KAT6A: variants seen among roughly 807,000 people sequenced by gnomAD.
KAT6A encodes histone acetyltransferase KAT6A.
In KAT6A, 9 loss-of-function variants were observed where a neutral mutation model predicts 198.4. That is an observed-to-expected ratio of 0.05 (90% CI 0.03 to 0.08). KAT6A has a LOEUF of 0.08. Among genes scored for constraint, KAT6A ranks in the 10% least tolerant of loss-of-function variants. KAT6A has a pLI of 1.00. For synonymous variants in KAT6A, 890 were observed against 883.0 expected (o/e 1.01, Z -0.14); for missense variants, 2,077 against 2,509.9 (o/e 0.83, Z 3.69).
chr8:42,036,044 AG>A (rs956760010), intron 2 of KAT6A, among the ~76,000 whole-genome samples: 1 of 152,120 alleles, frequency 6.6e-6, no homozygotes, highest in African/African-American at 2.4e-5. Context: ...AAGGTAGCAA[AG>A]CGGGCAGAAA....
At chr8:42,036,547 A>T (rs773138311) in intron 2 of KAT6A, among the ~76,000 whole-genome samples, 2 of 152,212 alleles carry the variant, frequency 1.3e-5, no homozygotes, top group Non-Finnish European at 2.9e-5. Flanking sequence ...CAGGAGATGG[A>T]GGTTGCAGTG....
chr8:41,932,138 G>T lies in KAT6A; in HGVS notation c.*67C>A. On this transcript the variant is annotated 3_prime_UTR_variant, in exon 17 of 17. Transcript: ENST00000265713. ...ACTGGAAAAAGGTCCATTTTTCTCT[G>T]GTTTGTCAGTATAAAAGGTTCCTTT... 1 of 1,289,346 alleles carries T rather than the reference G, an allele frequency of 7.8e-7. No homozygotes were observed. Among genetic ancestry groups the T allele is most frequent in the Non-Finnish European group, 1.0e-6 (1 of 1,000,120 alleles). 79.9% of individuals were successfully genotyped at this position (1,289,346 alleles called of 1,614,324 possible).
At chr8:42,045,200 G>A (rs1287074346) in intron 2 of KAT6A, among the ~76,000 whole-genome samples, 2 of 152,136 alleles carry the variant, frequency 1.3e-5, no homozygotes, top group South Asian at 4.1e-4. Context: ...TTTCCAATGA[G>A]ATTAGTACAT....
chr8:42,033,045 A>C (rs1028741626), intron 2 of KAT6A, among the ~76,000 whole-genome samples: 7 of 151,530 alleles, frequency 4.6e-5, no homozygotes, highest in Non-Finnish European at 1.5e-5. Context: ...CACTCGGCTA[A>C]TTTTTGTATT....
intron 2 of KAT6A, among the ~76,000 whole-genome samples, chr8:42,006,812 G>A (rs1366214296): frequency 6.6e-6 from 1 of 151,820 alleles, no homozygotes; most frequent in Non-Finnish European, 1.5e-5. Context: ...ACTGGCCAAC[G>A]TGGTGAAACC....
intron 3 of KAT6A, among the ~76,000 whole-genome samples, chr8:41,984,576 G>C (rs1257741025): frequency 1.3e-5 from 2 of 152,152 alleles, no homozygotes; most frequent in African/African-American, 4.8e-5. Context: ...TACAGAAACA[G>C]TATGAAGTAA....
rs1047189262 is a variant in KAT6A, at chr8:42,049,161, C to T, written c.-184G>A. ...GCCACCCCAATTGTACTATAGAAACCAAAACAACCTGTTGATTGAAATGTC... is the reference window on the plus strand; with the variant it reads ...GCCACCCCAATTGTACTATAGAAACTAAAACAACCTGTTGATTGAAATGTC... On this transcript the variant is annotated 5_prime_UTR_variant, in exon 2 of 17. It introduces an in-frame stop codon into an upstream open reading frame of the 5' UTR. Transcript: ENST00000265713. 1.7e-6 allele frequency: 1 copy of T among 582,378 alleles called. No homozygotes were observed. The highest frequency in any genetic ancestry group is 3.0e-6 in the Non-Finnish European group (1 of 337,532). The allele number at this position is 582,378 out of a possible 1,614,324, so 36.1% of individuals were successfully genotyped here.
intron 2 of KAT6A, among the ~76,000 whole-genome samples, chr8:42,034,762 T>C (rs989764224): frequency 1.3e-5 from 2 of 152,332 alleles, no homozygotes; most frequent in African/African-American, 2.4e-5. Context: ...GCAGTACAGA[T>C]ATAGAACATT....
chr8:42,007,961 C>CAAAAAAAAAAAA (rs988491987), intron 2 of KAT6A, among the ~76,000 whole-genome samples: 4 of 42,896 alleles, frequency 9.3e-5, no homozygotes, highest in African/African-American at 3.6e-4. Context: ...GACTCCGTCT[C>CAAAAAAAAAAAA]AAAAAAAAAA....
At chr8:41,946,455 G>C in intron 12 of KAT6A, 136 bp downstream of exon 12, 1 of 507,020 alleles carries the variant, frequency 2.0e-6, no homozygotes. Context: ...GATACTAGCA[G>C]CCAACAAAGC....
At chr8:42,019,846 T>C (rs1445741885) in intron 2 of KAT6A, among the ~76,000 whole-genome samples, 1 of 152,196 alleles carries the variant, frequency 6.6e-6, no homozygotes, top group Non-Finnish European at 1.5e-5. Flanking sequence ...AAATGGGCAT[T>C]TGTGCAGCTC....
chr8:41,978,803 G>A, intron 5 of KAT6A, 26 bp from the exon 6 acceptor site: 2 of 1,606,914 alleles, frequency 1.2e-6, no homozygotes, highest in Non-Finnish European at 1.7e-6. Context: ...ATTCCACATA[G>A]AAGTGTGACA....
intron 12 of KAT6A, among the ~76,000 whole-genome samples, chr8:41,944,872 TA>T (rs1822299923): frequency 6.6e-6 from 1 of 152,196 alleles, no homozygotes; most frequent in African/African-American, 2.4e-5. Flanking sequence ...ACTGCTCATC[TA>T]AAAAGACCAG....
At chr8:41,999,209 T>C (rs1283672141) in intron 2 of KAT6A, among the ~76,000 whole-genome samples, 1 of 152,146 alleles carries the variant, frequency 6.6e-6, no homozygotes, top group African/African-American at 2.4e-5. Context: ...AATGACAATA[T>C]CCATATTTGC....
intron 2 of KAT6A, among the ~76,000 whole-genome samples, chr8:42,019,399 T>A (rs1826422142): frequency 1.3e-5 from 2 of 152,218 alleles, no homozygotes; most frequent in African/African-American, 4.8e-5. Context: ...CTCAGTTTCC[T>A]TCAGTACATT....
At chr8:42,021,560 G>A (rs1276506537) in intron 2 of KAT6A, among the ~76,000 whole-genome samples, 1 of 152,126 alleles carries the variant, frequency 6.6e-6, no homozygotes, top group African/African-American at 2.4e-5. Flanking sequence ...CAAGTAAATG[G>A]TGAGACTGGA....
Position 41,966,823 on chromosome 8 carries a change from AGAATAATGCAGGATGTTATTGT to A in KAT6A, c.1482+7859_1482+7880del, listed in dbSNP as rs202084755. ...GCTACCCCCATGACATCCCGTATAC[AGAATAATGCAGGATGTTATTGT>A]GATTAAGGGTACAGAATTAGAAGTC... is the stretch of plus-strand genomic sequence containing the variant. On this transcript the variant is annotated intron_variant, in intron 8 of 16. Coordinates refer to ENST00000265713, the MANE Select transcript of KAT6A (RefSeq NM_006766.5). Among the ~76,000 whole-genome samples the A allele has an allele frequency of 9.8e-5, 15 of 152,306 alleles. No individual in the cohort carries two copies. In the East Asian group the frequency reaches 2.7e-3, roughly 27 times the overall value.
Position 42,051,453 on chromosome 8 carries a change from G to A in KAT6A, c.-326+448C>T, listed in dbSNP as rs1050527641. On this transcript the variant is annotated intron_variant, in intron 1 of 16. Coordinates refer to ENST00000265713, the MANE Select transcript of KAT6A (RefSeq NM_006766.5). ...GCGCCCGCGAGCGCGGGGAGAAGCG[G>A]CCCGGCCCGGCACAGCCGGCACGCG... Among the ~76,000 whole-genome samples the A allele has an allele frequency of 6.6e-4, 99 of 149,014 alleles. 2 individuals carry two copies. The highest frequency in any genetic ancestry group is 2.4e-3 in the African/African-American group (97 of 41,130).
chr8:41,952,206 T>G (rs1236272069), intron 9 of KAT6A, among the ~76,000 whole-genome samples: 2 of 152,226 alleles, frequency 1.3e-5, no homozygotes, highest in Non-Finnish European at 2.9e-5. Flanking sequence ...GTAACTGGGA[T>G]GACGAGAATA....
Sources: gnomAD v4.1 joint callset for allele counts (sites outside exome capture counted in the v4.1 genomes callset) on GRCh38, gnomAD v4.1.1 for gene constraint, MANE v1.5 for transcripts, NCBI Gene and HGNC (gene_info 2026-07-23, HGNC 2026-07-21) for gene names.